WDR59: variants seen among roughly 807,000 people sequenced by gnomAD.
The protein encoded by WDR59 is GATOR2 complex protein WDR59.
Under a neutral mutation model 131.2 loss-of-function variants are expected in WDR59, and 100 were observed. The ratio of observed to expected loss-of-function variants is 0.76; its 90% CI spans 0.65 to 0.90. The LOEUF is 0.90. WDR59 is among the 40% of genes least tolerant of loss of function. The pLI is 0.00. For synonymous variants in WDR59, 601 were observed against 466.2 expected (o/e 1.29, Z -3.72); for missense variants, 1,203 against 1,262.2 (o/e 0.95, Z 0.71).
At chr16:74,895,954 G>A (rs932940568) in intron 18 of WDR59, among the ~76,000 whole-genome samples, 2 of 152,138 alleles carry the variant, frequency 1.3e-5, no homozygotes, top group Non-Finnish European at 2.9e-5. Flanking sequence ...AACGAGAACA[G>A]GGAAATTACA....
chr16:74,976,002 T>C (rs994668608), intron 1 of WDR59, among the ~76,000 whole-genome samples: 2 of 152,026 alleles, frequency 1.3e-5, no homozygotes, highest in Admixed American at 6.6e-5. Context: ...AAAATACACA[T>C]ATATAAATTT....
intron 14 of WDR59, 194 bp downstream of exon 14, chr16:74,912,004 A>C: frequency 9.1e-6 from 6 of 657,450 alleles, no homozygotes; most frequent in Non-Finnish European, 1.5e-5. Flanking sequence ...GACCCAAAAA[A>C]GGTTAAGAAC....
intron 10 of WDR59, among the ~76,000 whole-genome samples, chr16:74,918,412 C>T (rs1457773695): frequency 6.6e-6 from 1 of 152,236 alleles, no homozygotes; most frequent in Non-Finnish European, 1.5e-5. Context: ...TAAACTTTCA[C>T]CTCTGCAAAT....
chr16:74,872,867 G>A lies in WDR59; in HGVS notation c.*1342C>T, dbSNP rs1439211201. The A allele has an allele frequency of 6.6e-6, 1 of 151,958 alleles. No homozygotes were observed. The highest frequency in any genetic ancestry group is 1.5e-5 in the Non-Finnish European group (1 of 68,014). The allele number at this position is 151,958 out of a possible 1,614,324, so 9.4% of individuals were successfully genotyped here. On this transcript the variant is annotated 3_prime_UTR_variant, in exon 26 of 26. Transcript: ENST00000262144. ...TCCCACCTCGGCCCCTCAAGTAGCTGGGACCACAGGCATGTGCCACCACAC... is the reference window on the plus strand; with the variant it reads ...TCCCACCTCGGCCCCTCAAGTAGCTAGGACCACAGGCATGTGCCACCACAC...
chr16:74,928,700 G>A (rs950604445), intron 8 of WDR59, among the ~76,000 whole-genome samples: 5 of 151,988 alleles, frequency 3.3e-5, no homozygotes, highest in East Asian at 1.9e-4. Flanking sequence ...TCAGGAGTTC[G>A]AGACCAGCCT....
At chr16:74,944,091 T>G (rs1189173363) in intron 6 of WDR59, among the ~76,000 whole-genome samples, 1 of 152,032 alleles carries the variant, frequency 6.6e-6, no homozygotes, top group Non-Finnish European at 1.5e-5. Flanking sequence ...AACACACCTT[T>G]CCCAGTGGGG....
chr16:74,917,890 A>C, intron 11 of WDR59, 39 bp downstream of exon 11: 1 of 1,564,002 alleles, frequency 6.4e-7, no homozygotes, highest in Non-Finnish European at 8.8e-7. Flanking sequence ...TTTTTGGTGG[A>C]TTCAGGTACA....
At position 74,946,383 on chromosome 16, in the gene WDR59, G is replaced by A. The variant is rs539336755; in HGVS notation, c.445+2136C>T. Among the ~76,000 whole-genome samples the A allele has an allele frequency of 2.0e-5, 3 of 152,232 alleles. No homozygotes were observed. The East Asian group carries it at 5.8e-4, about 29-fold the overall frequency. On this transcript the variant is annotated intron_variant, in intron 6 of 25. Coordinates refer to ENST00000262144, the MANE Select transcript of WDR59 (RefSeq NM_030581.4). The stretch of plus-strand genomic sequence containing the variant: ...CTCCTTGGATCAGGCACAAATGCCT[G>A]TAGCGCACAAATACATACACTCGTC...
At chr16:74,912,408 C>T (rs752806450) in intron 13 of WDR59, 46 bp from the exon 14 acceptor site, 31 of 1,584,482 alleles carry the variant, frequency 2.0e-5, no homozygotes, top group African/African-American at 4.0e-5. Flanking sequence ...AACCATAAAG[C>T]GTCTTTCGAT....
intron 2 of WDR59, among the ~76,000 whole-genome samples, chr16:74,958,095 C>G (rs2187219): frequency 0.41 from 62,652 of 151,940 alleles, 13,285 homozygotes; most frequent in East Asian, 0.72. Flanking sequence ...CAATAGGGGG[C>G]TGCAGAGACT....
At chr16:74,919,802 C>G (rs1023366476) in intron 10 of WDR59, among the ~76,000 whole-genome samples, 22 of 152,216 alleles carry the variant, frequency 1.4e-4, no homozygotes, top group African/African-American at 4.8e-4. Flanking sequence ...TGACTCACTT[C>G]CTACCTCTTT....
At chr16:74,895,660 G>A (rs184427331) in intron 18 of WDR59, among the ~76,000 whole-genome samples, 8 of 152,286 alleles carry the variant, frequency 5.3e-5, no homozygotes, top group Admixed American at 5.2e-4. Flanking sequence ...CAATTATTAT[G>A]GGGTAGCCCT....
chr16:74,956,689 T>A, intron 2 of WDR59, 79 bp from the exon 3 acceptor site: 1 of 1,533,788 alleles, frequency 6.5e-7, no homozygotes, highest in Non-Finnish European at 8.8e-7. Context: ...CAATTGGAAT[T>A]GCATACAATT....
intron 10 of WDR59, among the ~76,000 whole-genome samples, chr16:74,919,480 G>A (rs141350006): frequency 2.7e-5 from 4 of 150,476 alleles, no homozygotes; most frequent in Non-Finnish European, 4.4e-5. Flanking sequence ...TTACAGGCAC[G>A]TGCCACCACA....
chr16:74,881,064 T>C (rs1479898653), intron 25 of WDR59, among the ~76,000 whole-genome samples: 1 of 152,190 alleles, frequency 6.6e-6, no homozygotes, highest in Non-Finnish European at 1.5e-5. Flanking sequence ...TCTGCCACCA[T>C]TAAGACCAAG....
At chr16:74,944,282 A>G (rs1204464214) in intron 6 of WDR59, among the ~76,000 whole-genome samples, 1 of 152,100 alleles carries the variant, frequency 6.6e-6, no homozygotes, top group Non-Finnish European at 1.5e-5. Context: ...CCTGGCAAAC[A>G]TGGCAAAACG....
chr16:74,940,402 AAAAC>A (rs975650213), intron 7 of WDR59, among the ~76,000 whole-genome samples: 71 of 151,890 alleles, frequency 4.7e-4, no homozygotes, highest in African/African-American at 1.7e-3. Flanking sequence ...AACAACAACA[AAAAC>A]AAACAAACAA....
Position 74,984,962 on chromosome 16 carries a change from A to T in WDR59, c.54+2T>A, listed in dbSNP as rs750620471. On this transcript the variant is annotated splice_donor_variant, in intron 1 of 25. Transcript: ENST00000262144. LOFTEE classifies it high-confidence loss of function. ...GAGGGCTCCACTCGGCCTCTAGCTC[A>T]CCTGGGAGTCACGGAACTCTACAAC... is the stretch of plus-strand genomic sequence containing the variant. The T allele has an allele frequency of 6.2e-7, 1 of 1,603,942 alleles. No individual in the cohort carries two copies. Among genetic ancestry groups the T allele is most frequent in the Non-Finnish European group, 8.5e-7 (1 of 1,175,564 alleles).
chr16:74,947,304 C>T (rs866065611), intron 6 of WDR59, among the ~76,000 whole-genome samples: 23 of 151,950 alleles, frequency 1.5e-4, no homozygotes, highest in Admixed American at 8.5e-4. Flanking sequence ...CAAAATTAGC[C>T]GGGCATGGTG....
Sources: gnomAD v4.1 joint callset for allele counts (sites outside exome capture counted in the v4.1 genomes callset) on GRCh38, gnomAD v4.1.1 for gene constraint, MANE v1.5 for transcripts, NCBI Gene and HGNC (gene_info 2026-07-23, HGNC 2026-07-21) for gene names.